Variants in SCFD1 observed in about 807,000 individuals in gnomAD.
The protein encoded by SCFD1 is sec1 family domain containing 1.
A neutral mutation model predicts 103.2 loss-of-function variants in SCFD1; 37 were observed. The ratio of observed to expected loss-of-function variants is 0.36; its 90% CI spans 0.28 to 0.47. SCFD1 has a LOEUF of 0.47. Among genes scored for constraint, SCFD1 ranks in the 20% least tolerant of loss-of-function variants. SCFD1 has a pLI of 1.00. For synonymous variants in SCFD1, 264 were observed against 245.0 expected, an observed-to-expected ratio of 1.08 and a Z score of -0.73; for missense variants, 639 against 761.2, an observed-to-expected ratio of 0.84 and a Z score of 1.89.
chr14:30,728,838 CTTTT>C (rs367747323), intron 23 of SCFD1, among the ~76,000 whole-genome samples: 5 of 131,714 alleles, frequency 3.8e-5, no homozygotes, highest in African/African-American at 1.4e-4. Flanking sequence ...TCCTTTGTCC[CTTTT>C]TTTTTTTTTT....
At chr14:30,653,850 A>T in intron 10 of SCFD1, 1 of 258,632 alleles carries the variant, frequency 3.9e-6, no homozygotes, top group Non-Finnish European at 7.2e-6. Flanking sequence ...AAAGAAAACA[A>T]TTGAAGAAAA....
intron 14 of SCFD1, among the ~76,000 whole-genome samples, chr14:30,691,753 T>G (rs1890320194): frequency 6.6e-6 from 1 of 152,126 alleles, no homozygotes; most frequent in African/African-American, 2.4e-5. Context: ...ACCAATCACA[T>G]TAAGTTGTTT....
intron 17 of SCFD1, among the ~76,000 whole-genome samples, chr14:30,704,766 A>G (rs1891353842): frequency 6.6e-6 from 1 of 152,200 alleles, no homozygotes; most frequent in Non-Finnish European, 1.5e-5. Flanking sequence ...TAAAATAAGA[A>G]TCATTATGAA....
intron 17 of SCFD1, among the ~76,000 whole-genome samples, chr14:30,705,084 G>A (rs1891376970): frequency 6.6e-6 from 1 of 152,128 alleles, no homozygotes; most frequent in Non-Finnish European, 1.5e-5. Context: ...TTTAGTTACA[G>A]AGATTCTGGA....
intron 3 of SCFD1, 197 bp downstream of exon 3, chr14:30,630,762 T>C (rs1884026360): frequency 3.9e-6 from 2 of 507,864 alleles, no homozygotes; most frequent in South Asian, 2.5e-5. Context: ...TTCTGCCTTG[T>C]GGCTTTTCCT....
intron 15 of SCFD1, among the ~76,000 whole-genome samples, chr14:30,695,889 A>C (rs1251812555): frequency 6.6e-6 from 1 of 152,112 alleles, no homozygotes; most frequent in East Asian, 1.9e-4. Context: ...AACAAACAAA[A>C]AAAACCACAG....
chr14:30,684,056 A>G (rs1029387797), intron 14 of SCFD1, among the ~76,000 whole-genome samples: 3 of 152,164 alleles, frequency 2.0e-5, no homozygotes, highest in Non-Finnish European at 2.9e-5. Context: ...AAAAAGAAGG[A>G]AAAATCCCTG....
chr14:30,683,269 C>T (rs981785304), intron 14 of SCFD1: 10 of 1,017,326 alleles, frequency 9.8e-6, no homozygotes, highest in African/African-American at 3.2e-5. Context: ...GCATATGTTA[C>T]CCTGGGTGTC....
chr14:30,630,492 A>G lies in SCFD1; in HGVS notation c.148A>G (p.Arg50Gly). 6.3e-7 allele frequency: 1 copy of G among 1,592,974 alleles called. No homozygotes were observed. The highest frequency in any genetic ancestry group is 8.6e-7 in the Non-Finnish European group (1 of 1,161,528). The change falls in exon 3 of 25, where the codon AGA (arginine) becomes GGA (glycine). Residue 50 changes from arginine (R) to glycine (G), a missense_variant. Coordinates refer to ENST00000458591, the MANE Select transcript of SCFD1 (RefSeq NM_016106.4). ...TTTTTAATAGGTACTCATTTATGAC[A>G]GATTTGGCCAAGATATAATCTCTCC... is the stretch of plus-strand genomic sequence containing the variant. ...EPVWKVLIYD[R>G]FGQDIISPLL...
In SCFD1 at chr14:30,717,701, G is replaced by A. The variant is rs111276560; in HGVS notation, c.1684-1624G>A. On this transcript the variant is annotated intron_variant, in intron 20 of 24. Transcript: ENST00000458591. ...GAGGTCAGGAGTTCAAAACCAGCCT[G>A]GCCAACATGGTGAAACCCCGTCTCT... Among the ~76,000 whole-genome samples, 501 of 151,784 alleles carry A rather than the reference G, an allele frequency of 3.3e-3. 3 individuals carry two copies. Among genetic ancestry groups the A allele is most frequent in the African/African-American group, 0.012 (488 of 41,344 alleles).
intron 10 of SCFD1, among the ~76,000 whole-genome samples, chr14:30,659,474 A>G (rs1028876448): frequency 3.3e-5 from 5 of 152,196 alleles, no homozygotes; most frequent in African/African-American, 1.2e-4. Context: ...ATTCTAAATC[A>G]TAAGACCCAA....
At chr14:30,676,043 C>T (rs1270575019) in intron 14 of SCFD1, 1 of 152,096 alleles carries the variant, frequency 6.6e-6, no homozygotes, top group Non-Finnish European at 1.5e-5. Context: ...GTTTTCACTT[C>T]TATATGTAGT....
At chr14:30,664,702 G>C (rs1163938977) in intron 10 of SCFD1, among the ~76,000 whole-genome samples, 1 of 152,152 alleles carries the variant, frequency 6.6e-6, no homozygotes, top group Admixed American at 6.5e-5. Flanking sequence ...GACCTTAAAT[G>C]ACCTGATGGA....
chr14:30,660,857 A>T (rs1357615630), intron 10 of SCFD1, among the ~76,000 whole-genome samples: 1 of 152,156 alleles, frequency 6.6e-6, no homozygotes, highest in African/African-American at 2.4e-5. Context: ...GCTTCTTGAC[A>T]TAACCCCATC....
intron 14 of SCFD1, among the ~76,000 whole-genome samples, chr14:30,678,362 C>G (rs144053656): frequency 9.2e-5 from 14 of 152,246 alleles, no homozygotes; most frequent in Admixed American, 8.5e-4. Context: ...ACCAGTTTGT[C>G]ATAACTTTAA....
intron 7 of SCFD1, among the ~76,000 whole-genome samples, chr14:30,646,849 A>G (rs377269572): frequency 2.0e-5 from 3 of 152,046 alleles, no homozygotes; most frequent in Non-Finnish European, 2.9e-5. Flanking sequence ...GGCAGGTTCT[A>G]TGTTTCCAGA....
chr14:30,672,068 A>G (rs1459560267), intron 11 of SCFD1, among the ~76,000 whole-genome samples: 2 of 152,054 alleles, frequency 1.3e-5, no homozygotes, highest in East Asian at 1.9e-4. Context: ...TTTGATGTAT[A>G]GTAAAATCAC....
intron 11 of SCFD1, among the ~76,000 whole-genome samples, chr14:30,671,393 C>G (rs1004081890): frequency 6.6e-6 from 1 of 151,776 alleles, no homozygotes; most frequent in Admixed American, 6.6e-5. Flanking sequence ...TCTACGTTTC[C>G]CTCCAGAATG....
chr14:30,660,470 T>G (rs1249157496), intron 10 of SCFD1, among the ~76,000 whole-genome samples: 1 of 152,178 alleles, frequency 6.6e-6, no homozygotes, highest in African/African-American at 2.4e-5. Flanking sequence ...GTCAGCATGA[T>G]CCATCCATTA....
Sources: allele counts gnomAD v4.1 joint callset (sites outside exome capture counted in the v4.1 genomes callset), GRCh38; gene constraint gnomAD v4.1.1; transcripts MANE v1.5; gene names NCBI Gene and HGNC (gene_info 2026-07-23, HGNC 2026-07-21).